The following TMEM266 variants were observed in gnomAD, a reference collection of about 807,000 sequenced individuals.
The protein encoded by TMEM266 is transmembrane protein 266, also known as Hv1 related protein 1.
A neutral mutation model predicts 50.5 loss-of-function variants in TMEM266; 33 were observed. The observed-to-expected ratio is 0.65, with a 90% CI of 0.50 to 0.87. The LOEUF (loss-of-function observed/expected upper bound fraction) is 0.87. Ranked by LOEUF, TMEM266 falls within the 40% of genes least tolerant of loss-of-function variation. The probability of loss-of-function intolerance (pLI) is 0.00; values close to 1 mark genes in which losing one functional copy is unlikely to be tolerated. For synonymous variants in TMEM266, 310 were observed against 292.3 expected (o/e 1.06, Z -0.62); for missense variants, 655 against 695.1 (o/e 0.94, Z 0.65).
At chr15:76,178,954 T>C (rs1308824156) in intron 8 of TMEM266, among the ~76,000 whole-genome samples, 1 of 151,584 alleles carries the variant, frequency 6.6e-6, no homozygotes, top group East Asian at 1.9e-4. Context: ...TCTCCTGGAG[T>C]CTGTGGTGCC....
At chr15:76,068,137 G>C (rs73451111) in intron 1 of TMEM266, among the ~76,000 whole-genome samples, 1,531 of 152,286 alleles carry the variant, frequency 0.01, 24 homozygotes, top group African/African-American at 0.035. Flanking sequence ...TCTAAATGCA[G>C]TAGCAGAAAT....
intron 8 of TMEM266, among the ~76,000 whole-genome samples, chr15:76,180,530 G>A (rs1411201691): frequency 1.3e-5 from 2 of 150,896 alleles, no homozygotes; most frequent in Admixed American, 6.6e-5. Flanking sequence ...ACTGTGATGC[G>A]GCCTGGATCA....
chr15:76,134,681 T>C (rs2037563729), intron 2 of TMEM266, among the ~76,000 whole-genome samples: 1 of 152,222 alleles, frequency 6.6e-6, no homozygotes, highest in Admixed American at 6.5e-5. Flanking sequence ...CTGGTTGGTA[T>C]GAATACTAAG....
intron 6 of TMEM266, among the ~76,000 whole-genome samples, chr15:76,170,573 G>C (rs549313557): frequency 1.0e-3 from 157 of 152,312 alleles, no homozygotes; most frequent in African/African-American, 3.7e-3. Flanking sequence ...ACTCTGCACT[G>C]GACACAGCTG....
At chr15:76,064,041 A>G (rs1323272176) in intron 1 of TMEM266, among the ~76,000 whole-genome samples, 1 of 152,110 alleles carries the variant, frequency 6.6e-6, no homozygotes, top group Non-Finnish European at 1.5e-5. Context: ...TGGGATGGAG[A>G]AGAGATCTGT....
chr15:76,187,054 G>T (rs2038499180), intron 8 of TMEM266, among the ~76,000 whole-genome samples: 2 of 152,168 alleles, frequency 1.3e-5, no homozygotes, highest in South Asian at 4.1e-4. Flanking sequence ...GGCTATCCAG[G>T]TTTTACCTGC....
intron 1 of TMEM266, among the ~76,000 whole-genome samples, chr15:76,084,863 A>G (rs1015384969): frequency 4.6e-5 from 7 of 151,934 alleles, no homozygotes; most frequent in African/African-American, 1.7e-4. Context: ...GGCCTCCGAA[A>G]GTGCTGGGCA....
chr15:76,126,613 C>G (rs144316477), intron 1 of TMEM266, among the ~76,000 whole-genome samples: 1,958 of 151,652 alleles, frequency 0.013, 22 homozygotes, highest in Non-Finnish European at 0.019. Context: ...CTCACTGCAT[C>G]CTCCGCCTCC....
rs958992631 is a variant in TMEM266 at position 76,161,866 on chromosome 15, G to C, written c.456+1698G>C. Among the ~76,000 whole-genome samples the C allele has an allele frequency of 1.3e-5, 2 of 152,250 alleles. No homozygotes were observed. The highest frequency in any genetic ancestry group is 4.8e-5 in the African/African-American group (2 of 41,466). ...ATGGGCCGTGGCCAGATGTCTCCTT[G>C]ATGCAAACCTTGGAAAATGTGCCAT... On this transcript the variant is annotated intron_variant, in intron 5 of 10. Coordinates refer to ENST00000388942, the MANE Select transcript of TMEM266 (RefSeq NM_152335.3). The surrounding 1 kb of genome is among the most constrained non-coding windows in gnomAD (Gnocchi z 4.1).
At chr15:76,169,188 G>T (rs1470677620) in intron 5 of TMEM266, among the ~76,000 whole-genome samples, 2 of 152,022 alleles carry the variant, frequency 1.3e-5, no homozygotes, top group African/African-American at 4.8e-5. Flanking sequence ...CCTAAAAGTT[G>T]TACTGGGTGC....
rs756869171 is a variant in TMEM266, at chr15:76,171,149, G to A, written c.652+18G>A. On this transcript the variant is annotated intron_variant, in intron 7 of 10. Transcript: ENST00000388942. Reference sequence around the variant, plus strand: ...CATTGATGGTGAGTGGCCCGAGGGGGGTGTGGTCAGTGGGGCTGCTCCAGA... The same window carrying A: ...CATTGATGGTGAGTGGCCCGAGGGGAGTGTGGTCAGTGGGGCTGCTCCAGA... The A allele has an allele frequency of 3.7e-6, 6 of 1,611,864 alleles. No homozygotes were observed. The highest frequency in any genetic ancestry group is 3.4e-6 in the Non-Finnish European group (4 of 1,178,666).
At chr15:76,093,320 G>C (rs536039156) in intron 1 of TMEM266, among the ~76,000 whole-genome samples, 2 of 150,642 alleles carry the variant, frequency 1.3e-5, no homozygotes, top group African/African-American at 4.9e-5. Context: ...CCTGGTGTGT[G>C]ATGTTCCCCT....
intron 3 of TMEM266, 94 bp from the exon 4 acceptor site, chr15:76,156,510 C>T (rs2037928813): frequency 5.2e-6 from 7 of 1,345,842 alleles, no homozygotes; most frequent in Admixed American, 4.0e-5. Context: ...GGAGGAGTGA[C>T]GCTGGTGGGT....
At chr15:76,097,582 G>A (rs2142001757) in intron 1 of TMEM266, among the ~76,000 whole-genome samples, 1 of 151,950 alleles carries the variant, frequency 6.6e-6, no homozygotes, top group East Asian at 1.9e-4. Context: ...TCTTGGGGTT[G>A]CTCTTCTTGA....
intron 1 of TMEM266, among the ~76,000 whole-genome samples, chr15:76,096,782 G>C (rs2036926965): frequency 6.6e-6 from 1 of 151,976 alleles, no homozygotes; most frequent in Non-Finnish European, 1.5e-5. Flanking sequence ...TTATGAATCT[G>C]GGTGCTCCTG....
At chr15:76,131,299 G>A (rs929111022) in intron 1 of TMEM266, among the ~76,000 whole-genome samples, 2 of 152,308 alleles carry the variant, frequency 1.3e-5, no homozygotes, top group South Asian at 2.1e-4. Context: ...CCCAGGAGGC[G>A]GAGGTTGCAG....
At chr15:76,083,589 A>G (rs189004432) in intron 1 of TMEM266, among the ~76,000 whole-genome samples, 6 of 152,246 alleles carry the variant, frequency 3.9e-5, no homozygotes, top group African/African-American at 1.2e-4. Context: ...GAAGCCTTCC[A>G]TGCCCTCACC....
intron 1 of TMEM266, among the ~76,000 whole-genome samples, chr15:76,129,777 T>A (rs1206484741): frequency 6.6e-6 from 1 of 151,852 alleles, no homozygotes; most frequent in African/African-American, 2.4e-5. Context: ...AAAAATGAGG[T>A]AGAGGAAGGG....
chr15:76,169,677 G>A (rs2038157047), intron 5 of TMEM266, 139 bp from the exon 6 acceptor site: 3 of 961,242 alleles, frequency 3.1e-6, no homozygotes, highest in Non-Finnish European at 1.6e-6. Context: ...GGGCACAGGG[G>A]CCAAGGAATG....
Sources: gnomAD v4.1 joint callset for allele counts (sites outside exome capture counted in the v4.1 genomes callset) on GRCh38, gnomAD v4.1.1 for gene constraint, Gnocchi (gnomAD v3.1) non-coding constraint, MANE v1.5 for transcripts, NCBI Gene and HGNC (gene_info 2026-07-23, HGNC 2026-07-21) for gene names.